Variants in NFIA observed in about 807,000 individuals in gnomAD.
NFIA encodes nuclear factor 1 A-type.
NFIA carries 8 observed loss-of-function variants against 62.8 expected under a neutral mutation model. That is an observed-to-expected ratio of 0.13 (90% CI 0.07 to 0.23). The LOEUF is 0.23. Ranked by LOEUF, NFIA falls within the 10% of genes least tolerant of loss-of-function variation. NFIA has a pLI of 1.00. For missense variants in NFIA, 410 were observed against 642.1 expected (o/e 0.64, Z 3.91); for synonymous variants, 235 against 238.1 (o/e 0.99, Z 0.12).
chr1:61,422,416 T>C (rs1031304347), intron 9 of NFIA, among the ~76,000 whole-genome samples: 1 of 152,194 alleles, frequency 6.6e-6, no homozygotes, highest in African/African-American at 2.4e-5. Context: ...GGTATAATGG[T>C]TGAGTGAAGG....
chr1:61,088,664 C>T lies in NFIA; in HGVS notation c.543C>T (p.Tyr181=). 6.2e-7 allele frequency: 1 copy of T among 1,612,938 alleles called. No homozygotes were observed. The highest frequency in any genetic ancestry group is 1.1e-5 in the South Asian group (1 of 91,030). Residue 181 remains tyrosine (Y), a synonymous_variant, in exon 2 of 11, where the codon TAC becomes TAT. Coordinates refer to ENST00000403491, the MANE Select transcript of NFIA (RefSeq NM_001134673.4). This position sits in a 1 kb window ranked among gnomAD's most constrained non-coding sequence, Gnocchi z 4.5. ...AGGAACTCGATTTATATTTGGCATA[C>T]TTTGTGCATGCAGCAGGTAAGTGCG... ...SVKELDLYLA[Y]FVHAADSSQS... is the part of the protein sequence containing the mutation.
At chr1:61,334,406 A>G (rs980080987) in intron 4 of NFIA, among the ~76,000 whole-genome samples, 2 of 151,760 alleles carry the variant, frequency 1.3e-5, no homozygotes, top group African/African-American at 4.8e-5. Context: ...GCCATAGACA[A>G]ATAACAGTGC....
At chr1:61,149,057 CTTT>C (rs3067418) in intron 2 of NFIA, among the ~76,000 whole-genome samples, 121,640 of 136,060 alleles carry the variant, frequency 0.89, 54,442 homozygotes, top group Non-Finnish European at 0.93. Context: ...TTCTTTCTTT[CTTT>C]TTTTTTTTTT....
intron 2 of NFIA, among the ~76,000 whole-genome samples, chr1:61,258,520 GGTT>G (rs146351548): frequency 0.013 from 1,914 of 152,180 alleles, 46 homozygotes; most frequent in African/African-American, 0.044. Context: ...GTCCCAACAT[GGTT>G]GTTTTACTTC....
intron 6 of NFIA, among the ~76,000 whole-genome samples, chr1:61,373,085 A>G (rs1390803336): frequency 1.3e-5 from 2 of 152,258 alleles, no homozygotes; most frequent in Non-Finnish European, 2.9e-5. Context: ...ATAAAGTGAT[A>G]GCAGCTCAAT....
chr1:61,145,791 GT>G (rs1388626866), intron 2 of NFIA, among the ~76,000 whole-genome samples: 5 of 152,042 alleles, frequency 3.3e-5, no homozygotes, highest in Non-Finnish European at 7.4e-5. Flanking sequence ...TATTGGTGAG[GT>G]TTAACTCTTC....
chr1:61,108,972 A>G (rs1041925052), intron 2 of NFIA, among the ~76,000 whole-genome samples: 3 of 151,830 alleles, frequency 2.0e-5, no homozygotes, highest in Admixed American at 6.6e-5. Flanking sequence ...TAGGTATTTC[A>G]GGGAAAAGAA....
intron 7 of NFIA, among the ~76,000 whole-genome samples, chr1:61,400,124 G>C (rs118077687): frequency 6.6e-6 from 1 of 152,112 alleles, no homozygotes; most frequent in East Asian, 1.9e-4. Flanking sequence ...ACCTGCTTTC[G>C]TTTTTCAAAG....
chr1:61,215,819 T>C (rs1410034572), intron 2 of NFIA, among the ~76,000 whole-genome samples: 5 of 152,254 alleles, frequency 3.3e-5, no homozygotes, highest in Non-Finnish European at 4.4e-5. Context: ...CTTTTTTATG[T>C]GACTCAGCGT....
At chr1:61,395,703 T>C (rs554197848) in intron 7 of NFIA, among the ~76,000 whole-genome samples, 50 of 152,324 alleles carry the variant, frequency 3.3e-4, no homozygotes, top group Admixed American at 8.5e-4. Context: ...TCAGCCATCA[T>C]GGAAGCTTAG....
chr1:61,211,465 T>C (rs1421785537), intron 2 of NFIA, among the ~76,000 whole-genome samples: 2 of 152,208 alleles, frequency 1.3e-5, no homozygotes, highest in Non-Finnish European at 2.9e-5. Flanking sequence ...GATACCAAGC[T>C]AAATGCTTTC....
intron 2 of NFIA, among the ~76,000 whole-genome samples, chr1:61,123,309 A>G (rs1300701662): frequency 7.7e-6 from 1 of 129,062 alleles, no homozygotes; most frequent in African/African-American, 2.9e-5. Flanking sequence ...GTAATAGTGC[A>G]GAGGGTACAG....
At chr1:61,244,749 T>G (rs1655542431) in intron 2 of NFIA, among the ~76,000 whole-genome samples, 1 of 152,182 alleles carries the variant, frequency 6.6e-6, no homozygotes, top group South Asian at 2.1e-4. Context: ...AAATCTTGAA[T>G]TTTTCCTCAA....
intron 4 of NFIA, among the ~76,000 whole-genome samples, chr1:61,338,496 C>A (rs1038521815): frequency 1.4e-4 from 22 of 152,310 alleles, no homozygotes; most frequent in African/African-American, 5.3e-4. Context: ...TTCTAAAGTT[C>A]TTTTTGAAGT....
upstream of NFIA, among the ~76,000 whole-genome samples, chr1:61,081,385 A>C (rs1557549426): frequency 6.6e-6 from 1 of 152,158 alleles, no homozygotes; most frequent in Non-Finnish European, 1.5e-5. Context: ...TTCCATTTTA[A>C]GAACTATTAC....
intron 2 of NFIA, among the ~76,000 whole-genome samples, chr1:61,223,472 C>A (rs1654143112): frequency 6.6e-6 from 1 of 151,954 alleles, no homozygotes; most frequent in African/African-American, 2.4e-5. Context: ...TACAAACTTA[C>A]AGTTTTTCAG....
intron 6 of NFIA, among the ~76,000 whole-genome samples, chr1:61,371,231 G>A (rs981473343): frequency 6.6e-6 from 1 of 152,184 alleles, no homozygotes; most frequent in Admixed American, 6.5e-5. Context: ...AGGCTTAAAA[G>A]TAGTATGGGA....
intron 4 of NFIA, among the ~76,000 whole-genome samples, chr1:61,340,794 C>G (rs1175564683): frequency 6.6e-6 from 1 of 152,314 alleles, no homozygotes; most frequent in East Asian, 1.9e-4. Flanking sequence ...TCTAGTGACC[C>G]TTACGGAGTT....
At chr1:61,239,755 A>G (rs1441955945) in intron 2 of NFIA, among the ~76,000 whole-genome samples, 6 of 152,166 alleles carry the variant, frequency 3.9e-5, no homozygotes, top group Admixed American at 2.0e-4. Context: ...GAACAATAAT[A>G]TTTAAGAAGG....
Sources: gnomAD v4.1 joint callset for allele counts (sites outside exome capture counted in the v4.1 genomes callset) on GRCh38, gnomAD v4.1.1 for gene constraint, Gnocchi (gnomAD v3.1) non-coding constraint, MANE v1.5 for transcripts, NCBI Gene and HGNC (gene_info 2026-07-23, HGNC 2026-07-21) for gene names.